RPS6KA5: variants seen among roughly 807,000 people sequenced by gnomAD.
RPS6KA5 encodes the protein ribosomal protein S6 kinase A5.
Under a neutral mutation model 85.5 loss-of-function variants are expected in RPS6KA5, and 27 were observed. The observed-to-expected ratio is 0.32, with a 90% CI of 0.23 to 0.44. RPS6KA5 has a LOEUF of 0.44. Among genes scored for constraint, RPS6KA5 ranks in the 20% least tolerant of loss-of-function variants. RPS6KA5 has a pLI of 1.00. For synonymous variants in RPS6KA5, 334 were observed against 348.2 expected (o/e 0.96, Z 0.46); for missense variants, 811 against 980.9 (o/e 0.83, Z 2.31).
At chr14:90,903,603 T>G (rs1353053987) in intron 8 of RPS6KA5, among the ~76,000 whole-genome samples, 1 of 152,234 alleles carries the variant, frequency 6.6e-6, no homozygotes, top group East Asian at 1.9e-4. Flanking sequence ...CATAGAATAA[T>G]GCAAGCCCCT....
chr14:90,909,215 C>T (rs548889085), intron 7 of RPS6KA5, among the ~76,000 whole-genome samples: 26 of 152,314 alleles, frequency 1.7e-4, no homozygotes, highest in African/African-American at 5.5e-4. Context: ...CTAGAGGATC[C>T]TGCAACAAGG....
chr14:90,875,027 TTACTA>T (rs2033361072), intron 15 of RPS6KA5, among the ~76,000 whole-genome samples, 169 bp downstream of exon 15: 3 of 152,118 alleles, frequency 2.0e-5, no homozygotes, highest in Admixed American at 1.3e-4. Context: ...GTGGATACCA[TTACTA>T]AAGAGAATGT....
chr14:91,006,192 T>C (rs1469376338), intron 1 of RPS6KA5, among the ~76,000 whole-genome samples: 1 of 152,192 alleles, frequency 6.6e-6, no homozygotes, highest in African/African-American at 2.4e-5. Flanking sequence ...ACTCACTGTG[T>C]TAAAAGATCA....
intron 14 of RPS6KA5, among the ~76,000 whole-genome samples, chr14:90,885,917 C>A (rs994020330): frequency 6.6e-6 from 1 of 151,754 alleles, no homozygotes; most frequent in African/African-American, 2.4e-5. Flanking sequence ...TATAAAAGAT[C>A]CCTTTTCTGG....
chr14:90,924,876 T>C (rs1235578745), intron 5 of RPS6KA5, among the ~76,000 whole-genome samples: 1 of 152,240 alleles, frequency 6.6e-6, no homozygotes. Context: ...AAGACTCTGA[T>C]GAAATAATTC....
In RPS6KA5 at chr14:90,855,800, G is replaced by C. The variant is rs963499181; in HGVS notation, c.*16274C>G. The C allele has an allele frequency of 9.2e-5, 14 of 152,108 alleles. No individual in the cohort carries two copies. Among genetic ancestry groups the C allele is most frequent in the Non-Finnish European group, 1.5e-4 (10 of 68,126 alleles). The allele number at this position is 152,108 out of a possible 1,614,324, so 9.4% of individuals were successfully genotyped here. On this transcript the variant is annotated 3_prime_UTR_variant, in exon 17 of 17. Transcript: ENST00000614987. Reference sequence around the variant, plus strand: ...TTTTTTGTATTTTTAGTAAAGACGGGGTTTCACCGTGTTAGCCAGGATGGT... The same window carrying C: ...TTTTTTGTATTTTTAGTAAAGACGGCGTTTCACCGTGTTAGCCAGGATGGT...
intron 1 of RPS6KA5, among the ~76,000 whole-genome samples, chr14:91,056,650 G>A (rs1470475864): frequency 6.6e-6 from 1 of 152,094 alleles, no homozygotes; most frequent in African/African-American, 2.4e-5. Context: ...GACCATACAT[G>A]TCCTATCATC....
chr14:90,897,455 A>G (rs927810257), intron 12 of RPS6KA5, among the ~76,000 whole-genome samples: 2 of 152,206 alleles, frequency 1.3e-5, no homozygotes. Flanking sequence ...AAAATGAACT[A>G]TGCTATTGCA....
chr14:90,885,552 C>CAAAAAAAAAA (rs780292114), intron 14 of RPS6KA5, among the ~76,000 whole-genome samples: 5 of 19,876 alleles, frequency 2.5e-4, no homozygotes, highest in Non-Finnish European at 3.7e-4. Context: ...GACTCCGTCT[C>CAAAAAAAAAA]AAAAAAAAAA....
intron 5 of RPS6KA5, among the ~76,000 whole-genome samples, chr14:90,939,794 G>A (rs1328457857): frequency 6.6e-6 from 1 of 152,084 alleles, no homozygotes; most frequent in Non-Finnish European, 1.5e-5. Context: ...ATTTGGGTGG[G>A]GACACAGCCA....
At chr14:91,041,475 G>A (rs1026629766) in intron 1 of RPS6KA5, among the ~76,000 whole-genome samples, 10 of 152,276 alleles carry the variant, frequency 6.6e-5, no homozygotes, top group Middle Eastern at 6.8e-3. Context: ...CAATTTACCA[G>A]ATAAGCTCTA....
chr14:91,030,054 A>C (rs552344133), intron 1 of RPS6KA5, among the ~76,000 whole-genome samples: 1 of 152,334 alleles, frequency 6.6e-6, no homozygotes, highest in South Asian at 2.1e-4. Flanking sequence ...CCTGCAGAGG[A>C]AACTGTTCAT....
chr14:90,913,523 A>ACC (rs1380666417), intron 7 of RPS6KA5, among the ~76,000 whole-genome samples: 4 of 152,178 alleles, frequency 2.6e-5, no homozygotes, highest in African/African-American at 9.7e-5. Context: ...GGAGGTCCTC[A>ACC]CCGCTCTTGT....
intron 1 of RPS6KA5, among the ~76,000 whole-genome samples, chr14:91,042,427 C>G (rs1261639182): frequency 6.6e-6 from 1 of 152,086 alleles, no homozygotes; most frequent in East Asian, 1.9e-4. Context: ...CAGAGAATTT[C>G]TTAAACCTGG....
At chr14:90,934,489 T>C (rs1453313244) in intron 5 of RPS6KA5, among the ~76,000 whole-genome samples, 1 of 152,120 alleles carries the variant, frequency 6.6e-6, no homozygotes, top group African/African-American at 2.4e-5. Flanking sequence ...TCTTAGAAAA[T>C]AGATAAAAAT....
chr14:90,996,931 A>AC (rs2040549992), intron 2 of RPS6KA5, among the ~76,000 whole-genome samples: 1 of 152,122 alleles, frequency 6.6e-6, no homozygotes, highest in Non-Finnish European at 1.5e-5. Context: ...CCCAAACCCT[A>AC]TTTTTCTGGC....
intron 2 of RPS6KA5, among the ~76,000 whole-genome samples, chr14:90,987,603 G>T (rs2040110563): frequency 6.6e-6 from 1 of 152,134 alleles, no homozygotes; most frequent in Non-Finnish European, 1.5e-5. Flanking sequence ...CTGAAGGCTG[G>T]GGAAAGCAGC....
At position 91,022,625 on chromosome 14, in the gene RPS6KA5, C is replaced by A. The variant is rs149094118; in HGVS notation, c.104-21466G>T. On this transcript the variant is annotated intron_variant, in intron 1 of 16. Transcript: ENST00000614987. ...AATTTGAAAATGTTTACATGGTTTG[C>A]ATGGTTTCTGATTCTGTTTCTGTGT... Among the ~76,000 whole-genome samples, 7 of 152,288 alleles carry A rather than the reference C, an allele frequency of 4.6e-5. No homozygotes were observed. In the East Asian group the frequency reaches 1.3e-3, roughly 29 times the overall value.
chr14:90,970,958 C>T (rs1231869657), intron 3 of RPS6KA5, among the ~76,000 whole-genome samples: 1 of 151,048 alleles, frequency 6.6e-6, no homozygotes, highest in Admixed American at 6.6e-5. Context: ...AACTTTAAAG[C>T]AGGGGTCAAC....
Sources: allele counts gnomAD v4.1 joint callset (sites outside exome capture counted in the v4.1 genomes callset), GRCh38; gene constraint gnomAD v4.1.1; transcripts MANE v1.5; gene names NCBI Gene and HGNC (gene_info 2026-07-23, HGNC 2026-07-21).